The following LRGUK variants were observed in gnomAD, a reference collection of about 807,000 sequenced individuals.
LRGUK encodes leucine-rich repeat and guanylate kinase domain-containing protein.
A neutral mutation model predicts 76.0 loss-of-function variants in LRGUK; 65 were observed. The ratio of observed to expected loss-of-function variants is 0.85; its 90% CI spans 0.70 to 1.05. The LOEUF is 1.05. Ranked by LOEUF, LRGUK falls within the 50% of genes least tolerant of loss-of-function variation. The probability of loss-of-function intolerance (pLI) is 0.00; values close to 1 mark genes in which losing one functional copy is unlikely to be tolerated. For missense variants in LRGUK, 758 were observed against 732.8 expected (o/e 1.03, Z -0.40); for synonymous variants, 268 against 265.6 (o/e 1.01, Z -0.09).
intron 3 of LRGUK, among the ~76,000 whole-genome samples, chr7:134,141,917 G>A (rs1016327276): frequency 2.6e-5 from 4 of 152,092 alleles, no homozygotes; most frequent in Non-Finnish European, 2.9e-5. Context: ...GCATGGTTTC[G>A]TCCAGAAAAA....
chr7:134,240,704 G>C (rs1448419757), intron 16 of LRGUK, among the ~76,000 whole-genome samples: 1 of 152,102 alleles, frequency 6.6e-6, no homozygotes, highest in East Asian at 1.9e-4. Context: ...TACAGAGAAT[G>C]CCACAAAGAT....
intron 12 of LRGUK, among the ~76,000 whole-genome samples, chr7:134,195,685 G>T (rs939515021): frequency 5.3e-5 from 8 of 151,864 alleles, no homozygotes; most frequent in African/African-American, 1.9e-4. Context: ...ACCAGCAGAT[G>T]CAATAAACAA....
At chr7:134,262,195 G>A (rs1183295512) in intron 19 of LRGUK, among the ~76,000 whole-genome samples, 5 of 152,058 alleles carry the variant, frequency 3.3e-5, no homozygotes, top group African/African-American at 7.2e-5. Flanking sequence ...CCAACATGGC[G>A]AAACCCTGTC....
intron 7 of LRGUK, among the ~76,000 whole-genome samples, chr7:134,166,995 A>G (rs959220158): frequency 5.3e-5 from 8 of 152,190 alleles, no homozygotes; most frequent in African/African-American, 1.9e-4. Flanking sequence ...GCCTGTAATG[A>G]GAAGGGTTGG....
chr7:134,206,736 G>A (rs1330561825), intron 15 of LRGUK, among the ~76,000 whole-genome samples: 4 of 152,138 alleles, frequency 2.6e-5, no homozygotes, highest in Non-Finnish European at 5.9e-5. Flanking sequence ...ATTAAGGGAT[G>A]TCTTTCCTTC....
At chr7:134,273,511 C>CT in the LRGUK span, among the ~76,000 whole-genome samples, 23 of 148,182 alleles carry the variant, frequency 1.6e-4, no homozygotes, top group Non-Finnish European at 2.3e-4. Flanking sequence ...AGGCATTGCA[C>CT]TTTTTTTTTT....
At chr7:134,158,082 A>G (rs1798562234) in exon 6 of LRGUK, 16 of 1,613,192 alleles carry the variant, frequency 9.9e-6, no homozygotes, top group Non-Finnish European at 1.4e-5. Context: ...CAACAACCTA[A>G]TTCACCTTAG....
chr7:134,226,588 A>G (rs1301917055), intron 16 of LRGUK, among the ~76,000 whole-genome samples: 1 of 152,114 alleles, frequency 6.6e-6, no homozygotes. Context: ...TTCTATTTCC[A>G]TTTAACTATT....
intron 6 of LRGUK, among the ~76,000 whole-genome samples, chr7:134,161,278 T>G (rs1042183926): frequency 6.6e-6 from 1 of 152,206 alleles, no homozygotes; most frequent in South Asian, 2.1e-4. Flanking sequence ...TATTGCAGTA[T>G]GTTAAATTAA....
chr7:134,152,491 C>T (rs1181519183), intron 5 of LRGUK, among the ~76,000 whole-genome samples: 2 of 151,702 alleles, frequency 1.3e-5, no homozygotes, highest in African/African-American at 4.8e-5. Flanking sequence ...GAAGAGATAC[C>T]AGCCTCATTT....
intron 12 of LRGUK, among the ~76,000 whole-genome samples, chr7:134,195,894 C>G (rs980837554): frequency 6.6e-6 from 1 of 152,088 alleles, no homozygotes; most frequent in Non-Finnish European, 1.5e-5. Context: ...TTCCTCATCA[C>G]CTGCAGCAGA....
chr7:134,268,624 T>G (rs769465415), downstream of LRGUK, among the ~76,000 whole-genome samples: 37 of 149,172 alleles, frequency 2.5e-4, no homozygotes, highest in Admixed American at 1.6e-3. Context: ...ACTTCACAAC[T>G]CATTTTATGA....
intron 16 of LRGUK, among the ~76,000 whole-genome samples, chr7:134,241,303 G>A (rs1802144617): frequency 6.6e-6 from 1 of 152,082 alleles, no homozygotes; most frequent in Non-Finnish European, 1.5e-5. Context: ...GTATTCAGGA[G>A]ACCCATCTCA....
chr7:134,163,399 C>A (rs376836696), exon 7 of LRGUK: 3 of 1,609,612 alleles, frequency 1.9e-6, no homozygotes, highest in Non-Finnish European at 2.5e-6. Context: ...TGTTTTAGAG[C>A]AATAACCAGA....
chr7:134,159,279 G>T (rs1230355330), intron 6 of LRGUK, among the ~76,000 whole-genome samples: 1 of 150,592 alleles, frequency 6.6e-6, no homozygotes, highest in Non-Finnish European at 1.5e-5. Flanking sequence ...CAAGGCTGCA[G>T]TGAGTCACGA....
chr7:134,218,048 G>A (rs1012388254), intron 15 of LRGUK, among the ~76,000 whole-genome samples: 10 of 152,142 alleles, frequency 6.6e-5, no homozygotes, highest in African/African-American at 1.2e-4. Flanking sequence ...TGCAGCCTCC[G>A]CCTCCCAGGT....
At chr7:134,246,564 A>G (rs1341284656) in intron 16 of LRGUK, among the ~76,000 whole-genome samples, 1 of 152,246 alleles carries the variant, frequency 6.6e-6, no homozygotes, top group East Asian at 1.9e-4. Flanking sequence ...ACCTTTCACT[A>G]TCGTCTGTCC....
At position 134,183,806 on chromosome 7, in the gene LRGUK, G is replaced by C. The variant is rs1157403119; in HGVS notation, c.1287G>C (p.Glu429Asp). 4.3e-6 allele frequency: 7 copies of C among 1,614,028 alleles called. No homozygotes were observed. Among genetic ancestry groups the C allele is most frequent in the South Asian group, 3.3e-5 (3 of 91,088 alleles). ...GTCCTGAAGCTTGTGGGAAACGAGA[G>C]CTTGCCCATCGCCTCTGCAGACAGT... The change falls in exon 11 of 16, where the codon GAG becomes GAC. Residue 429 changes from glutamate to aspartate, a missense_variant. Physicochemically the swap from Glu to Asp is conservative, Grantham distance 45. Coordinates refer to ENST00000645682, the Ensembl canonical transcript of LRGUK.
chr7:134,233,069 G>A (rs1047063526), intron 16 of LRGUK, among the ~76,000 whole-genome samples: 1 of 152,144 alleles, frequency 6.6e-6, no homozygotes, highest in African/African-American at 2.4e-5. Flanking sequence ...AACCCTATCA[G>A]TGAGAGGTTT....
Sources: gnomAD v4.1 joint callset for allele counts (sites outside exome capture counted in the v4.1 genomes callset) on GRCh38, gnomAD v4.1.1 for gene constraint, MANE v1.5 for transcripts, NCBI Gene and HGNC (gene_info 2026-07-23, HGNC 2026-07-21) for gene names.